PPFIBP1: variants seen among roughly 807,000 people sequenced by gnomAD.
PPFIBP1 encodes liprin-beta-1.
A neutral mutation model predicts 137.8 loss-of-function variants in PPFIBP1; 112 were observed. That is an observed-to-expected ratio of 0.81 (90% CI 0.70 to 0.95). The LOEUF (loss-of-function observed/expected upper bound fraction) is 0.95, where lower values mean the gene tolerates loss of function less well. PPFIBP1 is among the 40% of genes least tolerant of loss of function. PPFIBP1 has a pLI of 0.00. For synonymous variants in PPFIBP1, 378 were observed against 417.3 expected, an observed-to-expected ratio of 0.91 and a Z score of 1.15; for missense variants, 1,083 against 1,196.6, an observed-to-expected ratio of 0.91 and a Z score of 1.40.
intron 7 of PPFIBP1, among the ~76,000 whole-genome samples, chr12:27,654,183 C>T (rs1382152270): frequency 6.6e-6 from 1 of 152,182 alleles, no homozygotes; most frequent in East Asian, 1.9e-4. Context: ...CTTAAGGATT[C>T]ATGGCTTAAA....
At chr12:27,600,940 G>T (rs2053916445) in intron 2 of PPFIBP1, among the ~76,000 whole-genome samples, 2 of 152,146 alleles carry the variant, frequency 1.3e-5, no homozygotes. Context: ...CATAGCCATT[G>T]CTTGAAATAT....
intron 1 of PPFIBP1, among the ~76,000 whole-genome samples, chr12:27,572,878 T>C (rs541475044): frequency 6.6e-6 from 1 of 152,240 alleles, no homozygotes; most frequent in African/African-American, 2.4e-5. Context: ...ATTTATTTTA[T>C]TGGCTAAGGG....
At chr12:27,559,642 A>G (rs933937016) in intron 1 of PPFIBP1, among the ~76,000 whole-genome samples, 2 of 152,224 alleles carry the variant, frequency 1.3e-5, no homozygotes, top group African/African-American at 4.8e-5. Context: ...AAAAACGCCA[A>G]CCCAATAACA....
intron 2 of PPFIBP1, among the ~76,000 whole-genome samples, chr12:27,580,955 G>A (rs1379137592): frequency 6.6e-6 from 1 of 151,524 alleles, no homozygotes; most frequent in African/African-American, 2.4e-5. Context: ...TTGTTGCCCA[G>A]GCTGGAGTAC....
At chr12:27,535,239 T>TGACTTGTCATAGTATTGGC (rs1312599632) in intron 1 of PPFIBP1, among the ~76,000 whole-genome samples, 2 of 152,230 alleles carry the variant, frequency 1.3e-5, no homozygotes, top group Non-Finnish European at 2.9e-5. Context: ...TTTTTTCTCT[T>TGACTTGTCATAGTATTGGC]GACTTGTCAT....
intron 2 of PPFIBP1, among the ~76,000 whole-genome samples, chr12:27,597,311 G>A (rs1212218701): frequency 6.6e-6 from 1 of 152,108 alleles, no homozygotes; most frequent in African/African-American, 2.4e-5. Context: ...GGGATTACAG[G>A]CGCCCAGCTA....
chr12:27,632,010 C>T (rs905259852), intron 2 of PPFIBP1, among the ~76,000 whole-genome samples: 9 of 152,108 alleles, frequency 5.9e-5, no homozygotes, highest in Admixed American at 5.2e-4. Flanking sequence ...AGGTTCATAA[C>T]CTAACTTGTT....
chr12:27,579,263 G>A (rs1002285831), intron 2 of PPFIBP1, among the ~76,000 whole-genome samples: 3 of 152,202 alleles, frequency 2.0e-5, no homozygotes, highest in Non-Finnish European at 4.4e-5. Flanking sequence ...CAAAGGGCAC[G>A]GACCAGATGC....
chr12:27,633,102 C>A (rs2057372834), intron 2 of PPFIBP1, among the ~76,000 whole-genome samples: 1 of 152,124 alleles, frequency 6.6e-6, no homozygotes. Flanking sequence ...GCCTAGAGTT[C>A]TAGAGAACAG....
At chr12:27,598,247 T>C (rs1380876274) in intron 2 of PPFIBP1, among the ~76,000 whole-genome samples, 1 of 152,220 alleles carries the variant, frequency 6.6e-6, no homozygotes, top group Non-Finnish European at 1.5e-5. Context: ...CACAGTTCCA[T>C]GTGGCTGGGA....
intron 2 of PPFIBP1, among the ~76,000 whole-genome samples, chr12:27,609,838 A>G (rs2054900352): frequency 6.6e-6 from 1 of 152,198 alleles, no homozygotes; most frequent in Admixed American, 6.5e-5. Context: ...ATAATCCTAG[A>G]TGAATATCCC....
chr12:27,573,498 A>G (rs1053914194), intron 1 of PPFIBP1, among the ~76,000 whole-genome samples: 2 of 152,214 alleles, frequency 1.3e-5, no homozygotes, highest in African/African-American at 4.8e-5. Flanking sequence ...ATGGCCTCAG[A>G]AACAGGAGTA....
At chr12:27,526,461 G>C (rs1489297203) in intron 1 of PPFIBP1, among the ~76,000 whole-genome samples, 1 of 150,118 alleles carries the variant, frequency 6.7e-6, no homozygotes, top group Non-Finnish European at 1.5e-5. Flanking sequence ...AAAGATGTTT[G>C]AGTTATTGAG....
chr12:27,534,181 G>T (rs901251169), intron 1 of PPFIBP1, among the ~76,000 whole-genome samples: 1 of 152,148 alleles, frequency 6.6e-6, no homozygotes, highest in African/African-American at 2.4e-5. Flanking sequence ...ATGGTCCAGG[G>T]TAGAGAGATG....
At chr12:27,626,035 C>T (rs1268419130) in intron 2 of PPFIBP1, among the ~76,000 whole-genome samples, 1 of 152,120 alleles carries the variant, frequency 6.6e-6, no homozygotes, top group Non-Finnish European at 1.5e-5. Context: ...CCAACATCCC[C>T]TACCTTTTCT....
intron 2 of PPFIBP1, among the ~76,000 whole-genome samples, chr12:27,613,539 C>T (rs2055387816): frequency 6.6e-6 from 1 of 151,986 alleles, no homozygotes. Flanking sequence ...CCCATCTCTA[C>T]TAAAAATACA....
rs1167598877 is a variant in PPFIBP1, at chr12:27,634,939, A to G, written c.94A>G (p.Ile32Val). The change falls in exon 4 of 30, where the codon ATT (isoleucine) becomes GTT (valine). Residue 32 changes from isoleucine to valine, a missense_variant. Coordinates refer to ENST00000228425, the MANE Select transcript of PPFIBP1 (RefSeq NM_003622.4). ...GSKALEYSNG[I>V]FDCQSPTSPF... ...TAAGGCTCTGGAATATTCCAATGGG[A>G]TTTTTGATTGCCAATCTCCCACCTC... 6.2e-7 allele frequency: 1 copy of G among 1,613,906 alleles called. No individual in the cohort carries two copies. Among genetic ancestry groups the G allele is most frequent in the Non-Finnish European group, 8.5e-7 (1 of 1,179,958 alleles).
intron 2 of PPFIBP1, among the ~76,000 whole-genome samples, chr12:27,623,048 A>T (rs1388392762): frequency 6.6e-6 from 1 of 152,144 alleles, no homozygotes; most frequent in Non-Finnish European, 1.5e-5. Flanking sequence ...CTATGGGTAT[A>T]CATATCCCAG....
intron 20 of PPFIBP1, 87 bp downstream of exon 20, chr12:27,679,726 CT>C: frequency 6.8e-7 from 1 of 1,465,098 alleles, no homozygotes; most frequent in Non-Finnish European, 9.3e-7. Context: ...TTTGTAAGGC[CT>C]TTGTATTCCT....
Sources: allele counts gnomAD v4.1 joint callset (sites outside exome capture counted in the v4.1 genomes callset), GRCh38; gene constraint gnomAD v4.1.1; transcripts MANE v1.5; gene names NCBI Gene and HGNC (gene_info 2026-07-23, HGNC 2026-07-21).